Variants in KCNK2 observed in about 807,000 individuals in gnomAD.
KCNK2 encodes potassium channel subfamily K member 2.
A neutral mutation model predicts 40.5 loss-of-function variants in KCNK2; 21 were observed. The observed-to-expected ratio is 0.52, with a 90% CI of 0.37 to 0.75. The LOEUF is 0.75. KCNK2 is among the 30% of genes least tolerant of loss of function. The probability of loss-of-function intolerance (pLI) is 0.00; values close to 1 mark genes in which losing one functional copy is unlikely to be tolerated. For synonymous variants in KCNK2, 191 were observed against 202.2 expected (o/e 0.94, Z 0.47); for missense variants, 399 against 531.6 (o/e 0.75, Z 2.45).
chr1:215,147,418 C>G (rs1351036683), intron 3 of KCNK2, among the ~76,000 whole-genome samples: 12 of 152,170 alleles, frequency 7.9e-5, no homozygotes, highest in Admixed American at 7.9e-4. Flanking sequence ...ATGAACAGAT[C>G]TTTTCACAAA....
intron 2 of KCNK2, among the ~76,000 whole-genome samples, chr1:215,095,189 A>G (rs1470010960): frequency 6.6e-6 from 1 of 152,116 alleles, no homozygotes; most frequent in Non-Finnish European, 1.5e-5. Context: ...GCACATATGT[A>G]GTAATTCGTA....
At chr1:215,044,016 A>G (rs1195761090) in intron 1 of KCNK2, among the ~76,000 whole-genome samples, 2 of 152,192 alleles carry the variant, frequency 1.3e-5, no homozygotes, top group African/African-American at 4.8e-5. Context: ...GGGATCAAAC[A>G]AAGATAACAA....
chr1:215,050,467 A>AT (rs770884417), intron 1 of KCNK2, among the ~76,000 whole-genome samples: 1 of 152,194 alleles, frequency 6.6e-6, no homozygotes, highest in African/African-American at 2.4e-5. Flanking sequence ...GGACAGTACA[A>AT]TAAAAACAAA....
At position 215,231,704 on chromosome 1, in the gene KCNK2, G is replaced by T. The variant is rs958379756; in HGVS notation, c.964-3124G>T. On this transcript the variant is annotated intron_variant, in intron 6 of 6. Transcript: ENST00000444842. ...GTGTCTGCAAAATCAGAAAATATTT[G>T]TATTAGTCTGTTCTCATACTGCTAG... 2.0e-5 allele frequency among the ~76,000 whole-genome samples: 3 copies of T among 152,198 alleles called. No homozygotes were observed. In the East Asian group the frequency reaches 5.8e-4, roughly 29 times the overall value.
chr1:215,235,024 A>G lies in KCNK2; in HGVS notation c.1160A>G (p.Asn387Ser). Residue 387 changes from asparagine to serine, a missense_variant, in exon 7 of 7, where the codon AAC (asparagine) becomes AGC (serine). Transcript: ENST00000444842. ...CCTTGTAGGAGGACCCTGTCAGTGA[A>G]CCACCTGACCAGCGAGAGGGATGTC... ...LTPCRRTLSV[N>S]HLTSERDVLP... 6.2e-7 allele frequency: 1 copy of G among 1,614,048 alleles called. No homozygotes were observed. Among genetic ancestry groups the G allele is most frequent in the Non-Finnish European group, 8.5e-7 (1 of 1,179,966 alleles).
intron 2 of KCNK2, among the ~76,000 whole-genome samples, chr1:215,116,352 C>T (rs1660940635): frequency 6.6e-6 from 1 of 151,460 alleles, no homozygotes; most frequent in South Asian, 2.1e-4. Flanking sequence ...ATTATTTTTC[C>T]AAATGTCCAA....
intron 2 of KCNK2, among the ~76,000 whole-genome samples, chr1:215,111,918 C>G (rs1660700929): frequency 8.8e-6 from 1 of 114,136 alleles, no homozygotes; most frequent in African/African-American, 5.4e-5. Flanking sequence ...ATCAGCCTGC[C>G]TAGAGATTCT....
chr1:215,080,497 G>A (rs1486090892), upstream of KCNK2, among the ~76,000 whole-genome samples: 2 of 152,146 alleles, frequency 1.3e-5, no homozygotes, highest in African/African-American at 2.4e-5. Context: ...CCAAATACCT[G>A]GAGGGAGACC....
chr1:215,123,601 TC>T (rs1661290738), intron 2 of KCNK2, among the ~76,000 whole-genome samples: 1 of 152,186 alleles, frequency 6.6e-6, no homozygotes, highest in Non-Finnish European at 1.5e-5. Flanking sequence ...GCCTGTGACT[TC>T]CTTGAGTAGT....
intron 1 of KCNK2, among the ~76,000 whole-genome samples, chr1:215,026,569 C>T (rs540311999): frequency 6.6e-6 from 1 of 151,900 alleles, no homozygotes; most frequent in East Asian, 1.9e-4. Flanking sequence ...AATGTATACA[C>T]TCTGTCTTTT....
intron 6 of KCNK2, among the ~76,000 whole-genome samples, chr1:215,200,743 G>C (rs939874081): frequency 2.0e-5 from 3 of 152,030 alleles, no homozygotes; most frequent in African/African-American, 7.2e-5. Flanking sequence ...CATATTTGGG[G>C]GATAAAAGGA....
At chr1:215,093,219 A>C (rs1227450991) in intron 2 of KCNK2, among the ~76,000 whole-genome samples, 1 of 151,552 alleles carries the variant, frequency 6.6e-6, no homozygotes, top group Non-Finnish European at 1.5e-5. Context: ...AAAAGATTTC[A>C]AGGATATTTA....
At chr1:215,119,013 C>A (rs764550259) in intron 2 of KCNK2, among the ~76,000 whole-genome samples, 13 of 152,092 alleles carry the variant, frequency 8.5e-5, no homozygotes, top group Non-Finnish European at 1.8e-4. Context: ...TAAGTAAAAT[C>A]AGAACTTCTG....
intron 6 of KCNK2, among the ~76,000 whole-genome samples, chr1:215,202,857 A>G (rs1199677074): frequency 6.6e-6 from 1 of 152,194 alleles, no homozygotes; most frequent in Non-Finnish European, 1.5e-5. Flanking sequence ...AACTCAGATG[A>G]CTTGACTCCA....
intron 1 of KCNK2, among the ~76,000 whole-genome samples, chr1:215,072,228 G>C (rs1014285307): frequency 5.9e-5 from 9 of 152,126 alleles, no homozygotes; most frequent in African/African-American, 2.2e-4. Context: ...TTCTCATGCT[G>C]CTAATAAAGA....
chr1:215,058,147 C>G (rs529376121), intron 1 of KCNK2, among the ~76,000 whole-genome samples: 4 of 152,252 alleles, frequency 2.6e-5, no homozygotes, highest in East Asian at 1.9e-4. Context: ...GCCTCAAGCT[C>G]TCTTCTAGGA....
intron 1 of KCNK2, among the ~76,000 whole-genome samples, chr1:215,063,649 C>G (rs555636400): frequency 1.3e-5 from 2 of 152,114 alleles, no homozygotes; most frequent in African/African-American, 2.4e-5. Flanking sequence ...AATTAATATA[C>G]CACGTTAGCT....
At chr1:215,094,914 G>T (rs1659912781) in intron 2 of KCNK2, among the ~76,000 whole-genome samples, 1 of 152,102 alleles carries the variant, frequency 6.6e-6, no homozygotes, top group East Asian at 1.9e-4. Flanking sequence ...AAATTATTCT[G>T]CATGTAAATT....
At chr1:215,182,770 G>T (rs1159091592) in intron 5 of KCNK2, among the ~76,000 whole-genome samples, 1 of 152,184 alleles carries the variant, frequency 6.6e-6, no homozygotes, top group Non-Finnish European at 1.5e-5. Context: ...CTTTATGTTT[G>T]TCCAGATTAA....
Sources: gnomAD v4.1 joint callset for allele counts (sites outside exome capture counted in the v4.1 genomes callset) on GRCh38, gnomAD v4.1.1 for gene constraint, MANE v1.5 for transcripts, NCBI Gene and HGNC (gene_info 2026-07-23, HGNC 2026-07-21) for gene names.